MCHR2: variants seen among roughly 807,000 people sequenced by gnomAD.
MCHR2 encodes the protein melanin concentrating hormone receptor 2.
Under a neutral mutation model 24.8 loss-of-function variants are expected in MCHR2, and 15 were observed. That is an observed-to-expected ratio of 0.60 (90% CI 0.40 to 0.93). MCHR2 has a LOEUF of 0.93. Among genes scored for constraint, MCHR2 ranks in the 40% least tolerant of loss-of-function variants. The pLI is 0.00. For synonymous variants in MCHR2, 151 were observed against 147.6 expected, an observed-to-expected ratio of 1.02 and a Z score of -0.17; for missense variants, 386 against 408.7, an observed-to-expected ratio of 0.94 and a Z score of 0.48.
At chr6:99,952,863 T>C (rs1188396242) in intron 2 of MCHR2, among the ~76,000 whole-genome samples, 1 of 152,192 alleles carries the variant, frequency 6.6e-6, no homozygotes, top group Non-Finnish European at 1.5e-5. Context: ...AAGATTACAA[T>C]ATTTATTTTA....
At chr6:99,926,760 T>A (rs1255068682) in intron 5 of MCHR2, among the ~76,000 whole-genome samples, 3 of 152,162 alleles carry the variant, frequency 2.0e-5, no homozygotes, top group African/African-American at 7.2e-5. Context: ...GAGTAGGTTG[T>A]GAAAATTTTC....
At chr6:99,952,638 CATT>C (rs1241764358) in intron 2 of MCHR2, among the ~76,000 whole-genome samples, 6 of 151,998 alleles carry the variant, frequency 3.9e-5, no homozygotes, top group African/African-American at 1.4e-4. Flanking sequence ...ATGATGAAAA[CATT>C]AATACAAACT....
intron 5 of MCHR2, among the ~76,000 whole-genome samples, chr6:99,926,904 C>T (rs1187467247): frequency 6.6e-6 from 1 of 152,262 alleles, no homozygotes; most frequent in East Asian, 1.9e-4. Context: ...GACATGAAGT[C>T]CTTGCCTATG....
At chr6:99,929,397 A>T (rs553075358) in intron 5 of MCHR2, among the ~76,000 whole-genome samples, 6 of 152,032 alleles carry the variant, frequency 3.9e-5, no homozygotes, top group Admixed American at 6.6e-5. Context: ...TATCCTTGTT[A>T]ACTTTCTGTC....
chr6:99,977,476 G>T lies in MCHR2; in HGVS notation c.-28+16460C>A, dbSNP rs552843252. ...TTCACAGGAGTTTTGATACCATACG[G>T]AGTAGGGCTGCATCATTACTTTCAT... On this transcript the variant is annotated intron_variant, in intron 1 of 5. Coordinates refer to ENST00000281806, the MANE Select transcript of MCHR2 (RefSeq NM_001040179.2). Among the ~76,000 whole-genome samples the T allele has an allele frequency of 4.6e-5, 7 of 152,252 alleles. No homozygotes were observed. In the South Asian group the frequency reaches 1.0e-3, roughly 23 times the overall value.
chr6:99,938,239 T>C (rs1376314986), intron 4 of MCHR2, among the ~76,000 whole-genome samples: 2 of 152,006 alleles, frequency 1.3e-5, no homozygotes, highest in African/African-American at 4.8e-5. Context: ...CTGCTACTAA[T>C]TTTGGGTTTG....
chr6:99,969,059 A>T (rs1775344533), intron 1 of MCHR2, among the ~76,000 whole-genome samples: 1 of 152,188 alleles, frequency 6.6e-6, no homozygotes, highest in South Asian at 2.1e-4. Flanking sequence ...ATCTAAGACA[A>T]TAAATGTAAT....
At chr6:99,984,581 T>C (rs1031262065) in intron 1 of MCHR2, among the ~76,000 whole-genome samples, 3 of 152,266 alleles carry the variant, frequency 2.0e-5, no homozygotes, top group East Asian at 1.9e-4. Context: ...AAAAACCCTA[T>C]GGTCACATCA....
chr6:99,923,506 A>T (rs1774284764), intron 5 of MCHR2, among the ~76,000 whole-genome samples: 1 of 152,090 alleles, frequency 6.6e-6, no homozygotes, highest in Non-Finnish European at 1.5e-5. Context: ...TTCCCCATTC[A>T]GTATGATGCT....
chr6:99,935,430 T>A (rs1310269805), intron 4 of MCHR2, among the ~76,000 whole-genome samples: 1 of 152,032 alleles, frequency 6.6e-6, no homozygotes, highest in Non-Finnish European at 1.5e-5. Context: ...TTCACTTTTT[T>A]AGCTCCCACA....
At chr6:99,970,904 C>A in intron 1 of MCHR2, among the ~76,000 whole-genome samples, 1 of 152,112 alleles carries the variant, frequency 6.6e-6, no homozygotes. Context: ...GGGCTCTGTT[C>A]TGTTCCATTG....
chr6:99,982,512 A>T (rs1383824015), intron 1 of MCHR2, among the ~76,000 whole-genome samples: 1 of 145,396 alleles, frequency 6.9e-6, no homozygotes, highest in Non-Finnish European at 1.5e-5. Flanking sequence ...GGTGGCGCAC[A>T]TCTGTAGTCT....
rs1019962252 is a variant in MCHR2, at chr6:99,993,970, C to G, written c.-62G>C. 6.6e-6 allele frequency: 1 copy of G among 152,184 alleles called. No individual in the cohort carries two copies. Among genetic ancestry groups the G allele is most frequent in the Non-Finnish European group, 1.5e-5 (1 of 68,082 alleles). The allele number at this position is 152,184 out of a possible 1,614,324, so 9.4% of individuals were successfully genotyped here. ...CGCGTCCTCCCCGCGCGGCGGACAG[C>G]CCGGGCGCCCTTCCTCTCTGCGGGA... On this transcript the variant is annotated 5_prime_UTR_variant, in exon 1 of 6. Coordinates refer to ENST00000281806, the MANE Select transcript of MCHR2 (RefSeq NM_001040179.2).
chr6:99,961,134 A>T (rs558036544), intron 1 of MCHR2, among the ~76,000 whole-genome samples: 1 of 152,046 alleles, frequency 6.6e-6, no homozygotes, highest in Non-Finnish European at 1.5e-5. Context: ...CAAGAAAAAA[A>T]CAACAACCCC....
chr6:99,966,647 CTG>C (rs947380150), intron 1 of MCHR2, among the ~76,000 whole-genome samples: 16 of 152,212 alleles, frequency 1.1e-4, no homozygotes, highest in Middle Eastern at 6.8e-3. Context: ...TTTTAATAGA[CTG>C]TTTCATTAGT....
chr6:99,972,723 A>T (rs572802318), intron 1 of MCHR2, among the ~76,000 whole-genome samples: 57 of 151,500 alleles, frequency 3.8e-4, no homozygotes, highest in African/African-American at 1.2e-3. Flanking sequence ...CCCTCTACAT[A>T]CTGCTTTGAA....
chr6:99,930,772 C>G (rs1199486377), intron 5 of MCHR2, among the ~76,000 whole-genome samples: 1 of 151,996 alleles, frequency 6.6e-6, no homozygotes, highest in Non-Finnish European at 1.5e-5. Context: ...TAACTTCTTT[C>G]CCTTTGGTTT....
At chr6:99,956,306 G>T in intron 1 of MCHR2, 132 bp from the exon 2 acceptor site, 1 of 599,852 alleles carries the variant, frequency 1.7e-6, no homozygotes. Flanking sequence ...ATCCCAGGGT[G>T]AGTATGATTG....
At chr6:99,932,547 G>A (rs1774568890) in intron 5 of MCHR2, among the ~76,000 whole-genome samples, 1 of 152,184 alleles carries the variant, frequency 6.6e-6, no homozygotes, top group Admixed American at 6.5e-5. Flanking sequence ...AGGTAATCAA[G>A]GCTAGTATCA....
Sources: allele counts gnomAD v4.1 joint callset (sites outside exome capture counted in the v4.1 genomes callset), GRCh38; gene constraint gnomAD v4.1.1; transcripts MANE v1.5; gene names NCBI Gene and HGNC (gene_info 2026-07-23, HGNC 2026-07-21).